CD300C: variants seen among roughly 807,000 people sequenced by gnomAD.
CD300C encodes CMRF35-like molecule 6.
CD300C carries 11 observed loss-of-function variants against 18.4 expected under a neutral mutation model. The observed-to-expected ratio is 0.60, with a 90% CI of 0.38 to 0.99. The LOEUF (loss-of-function observed/expected upper bound fraction) is 0.99, where lower values mean the gene tolerates loss of function less well. Among genes scored for constraint, CD300C ranks in the 50% least tolerant of loss-of-function variants. CD300C has a pLI of 0.01. For missense variants in CD300C, 277 were observed against 287.4 expected (o/e 0.96, Z 0.26); for synonymous variants, 116 against 116.3 (o/e 1.00, Z 0.02).
intron 3 of CD300C, 97 bp downstream of exon 3, chr17:74,542,764 A>G: frequency 5.0e-6 from 7 of 1,413,978 alleles, no homozygotes; most frequent in Non-Finnish European, 5.7e-6. Context: ...GGTGCGAACA[A>G]AGAAGGGACT....
chr17:74,542,735 C>G (rs1908596294), intron 3 of CD300C, 126 bp downstream of exon 3: 10 of 1,159,410 alleles, frequency 8.6e-6, no homozygotes, highest in Non-Finnish European at 1.2e-5. Flanking sequence ...TTAATAGAAC[C>G]TTCACGTTTG....
In CD300C at chr17:74,544,730, G is replaced by A. The variant is rs746663607; in HGVS notation, c.279C>T (p.Phe93=). The A allele has an allele frequency of 4.3e-6, 7 of 1,614,250 alleles. No individual in the cohort carries two copies. The highest frequency in any genetic ancestry group is 2.2e-5 in the East Asian group (1 of 44,876). Residue 93 remains phenylalanine, a synonymous_variant, in exon 2 of 4, where the codon TTC becomes TTT. Coordinates refer to ENST00000330793, the MANE Select transcript of CD300C (RefSeq NM_006678.5). The part of the protein sequence containing the change: ...SIRDSPANLS[F]TVTLENLTEE... ...CTGTGAGATTCTCCAGGGTCACTGT[G>A]AAGCTGAGGTTTGCAGGACTGTCCC...
In CD300C at chr17:74,544,690, T is replaced by C. The variant is rs201636315; in HGVS notation, c.319A>G (p.Thr107Ala). The C allele has an allele frequency of 1.9e-5, 30 of 1,614,076 alleles. No individual in the cohort carries two copies. The highest frequency in any genetic ancestry group is 2.5e-5 in the Non-Finnish European group (30 of 1,180,044). ...LENLTEEDAG[T>A]YWCGVDTPWL... ...GGTGTATCCACCCCACACCAGTAGG[T>C]GCCTGCGTCCTCCTCTGTGAGATTC... The change falls in exon 2 of 4, where the codon ACC becomes GCC. Residue 107 changes from threonine (T) to alanine (A), a missense_variant. Transcript: ENST00000330793.
downstream of CD300C, among the ~76,000 whole-genome samples, chr17:74,536,532 CAAA>C (rs376317178): frequency 2.7e-4 from 30 of 109,184 alleles, no homozygotes; most frequent in African/African-American, 8.1e-4. Context: ...GACTCCGTCT[CAAA>C]AAAAAAAAAA....
chr17:74,541,924 A>G (rs1908565511), intron 3 of CD300C, among the ~76,000 whole-genome samples, 188 bp from the exon 4 acceptor site: 1 of 152,140 alleles, frequency 6.6e-6, no homozygotes, highest in Admixed American at 6.5e-5. Flanking sequence ...CCTTGACCTG[A>G]GGACTGTGAC....
At chr17:74,535,335 G>A in the CD300C span, among the ~76,000 whole-genome samples, 1 of 152,042 alleles carries the variant, frequency 6.6e-6, no homozygotes, top group African/African-American at 2.4e-5. Context: ...TGGGCATGGT[G>A]GCAGGCACCT....
chr17:74,537,697 C>G (rs1485834382), downstream of CD300C, among the ~76,000 whole-genome samples: 1 of 151,218 alleles, frequency 6.6e-6, no homozygotes, highest in African/African-American at 2.4e-5. Context: ...ATACTATTCA[C>G]AGAAAGTTCA....
downstream of CD300C, among the ~76,000 whole-genome samples, chr17:74,539,926 C>T (rs892911532): frequency 1.3e-5 from 2 of 152,198 alleles, no homozygotes; most frequent in African/African-American, 4.8e-5. Flanking sequence ...TTGCTGTCAT[C>T]CTGGGGTCTG....
chr17:74,535,003 A>G, the CD300C span, among the ~76,000 whole-genome samples: 49 of 152,368 alleles, frequency 3.2e-4, no homozygotes, highest in African/African-American at 1.2e-3. Flanking sequence ...AGACATGAGA[A>G]TTAGAAAGAA....
At chr17:74,536,357 C>T (rs562292444), downstream of CD300C, among the ~76,000 whole-genome samples, 4 of 151,986 alleles carry the variant, frequency 2.6e-5, no homozygotes, top group East Asian at 3.9e-4. Context: ...CATGGTGAAA[C>T]CCCGTCTCTA....
downstream of CD300C, among the ~76,000 whole-genome samples, chr17:74,536,121 T>TC (rs1325806489): frequency 6.6e-6 from 1 of 152,242 alleles, no homozygotes; most frequent in African/African-American, 2.4e-5. Context: ...GGATAATTTT[T>TC]TTTTAATTTG....
chr17:74,535,043 T>C, the CD300C span, among the ~76,000 whole-genome samples: 2 of 152,234 alleles, frequency 1.3e-5, no homozygotes, highest in Non-Finnish European at 2.9e-5. Flanking sequence ...TCTAGATTAA[T>C]TGATTATCTA....
At chr17:74,543,438 C>T (rs1190073493) in intron 2 of CD300C, among the ~76,000 whole-genome samples, 1 of 152,232 alleles carries the variant, frequency 6.6e-6, no homozygotes, top group Non-Finnish European at 1.5e-5. Context: ...GTCCACTCAG[C>T]CCCAAATGGC....
downstream of CD300C, among the ~76,000 whole-genome samples, chr17:74,539,995 A>G (rs1038729211): frequency 6.6e-6 from 1 of 152,218 alleles, no homozygotes; most frequent in Non-Finnish European, 1.5e-5. Context: ...GACTCTCTCG[A>G]GTCTTACCTG....
chr17:74,535,891 T>C, the CD300C span, among the ~76,000 whole-genome samples: 1 of 152,154 alleles, frequency 6.6e-6, no homozygotes, highest in African/African-American at 2.4e-5. Flanking sequence ...TTAGGCAAAT[T>C]CAACATAATA....
downstream of CD300C, among the ~76,000 whole-genome samples, chr17:74,537,057 AGAAAAG>A (rs979661975): frequency 2.3e-5 from 3 of 131,712 alleles, no homozygotes; most frequent in African/African-American, 1.3e-4. Flanking sequence ...AGAAAAAAGA[AGAAAAG>A]GAGGAGGAGG....
chr17:74,539,021 C>A (rs1908461013), downstream of CD300C, among the ~76,000 whole-genome samples: 1 of 152,180 alleles, frequency 6.6e-6, no homozygotes, highest in Non-Finnish European at 1.5e-5. Context: ...GTGTCTTTAC[C>A]CTGGAAAGGG....
chr17:74,543,920 A>G (rs1158662943), intron 2 of CD300C, among the ~76,000 whole-genome samples: 1 of 152,076 alleles, frequency 6.6e-6, no homozygotes, highest in African/African-American at 2.4e-5. Context: ...CTGTGGTAAA[A>G]GGTGCCAGAG....
intron 3 of CD300C, among the ~76,000 whole-genome samples, chr17:74,542,503 T>C (rs2143143252): frequency 6.6e-6 from 1 of 152,320 alleles, no homozygotes; most frequent in Non-Finnish European, 1.5e-5. Flanking sequence ...CTGATCATCG[T>C]CAGTGAAATA....
Sources: gnomAD v4.1 joint callset for allele counts (sites outside exome capture counted in the v4.1 genomes callset) on GRCh38, gnomAD v4.1.1 for gene constraint, MANE v1.5 for transcripts, NCBI Gene and HGNC (gene_info 2026-07-23, HGNC 2026-07-21) for gene names.